Variants in NTM observed in about 807,000 individuals in gnomAD.
The protein encoded by NTM is IgLON family member 2.
A neutral mutation model predicts 42.1 loss-of-function variants in NTM; 13 were observed. That is an observed-to-expected ratio of 0.31 (90% CI 0.20 to 0.49). NTM has a LOEUF of 0.49. Among genes scored for constraint, NTM ranks in the 20% least tolerant of loss-of-function variants. The probability of loss-of-function intolerance (pLI) is 0.99; values close to 1 mark genes in which losing one functional copy is unlikely to be tolerated. For missense variants in NTM, 373 were observed against 452.8 expected (o/e 0.82, Z 1.60); for synonymous variants, 187 against 179.2 (o/e 1.04, Z -0.35).
chr11:131,785,510 C>T (rs921461824), intron 1 of NTM, among the ~76,000 whole-genome samples: 1 of 152,184 alleles, frequency 6.6e-6, no homozygotes, highest in African/African-American at 2.4e-5. Flanking sequence ...TATCCTTTTC[C>T]ACTGAAAGAA....
chr11:131,632,363 G>A (rs2063737783), intron 1 of NTM, among the ~76,000 whole-genome samples: 1 of 151,968 alleles, frequency 6.6e-6, no homozygotes, highest in Non-Finnish European at 1.5e-5. Flanking sequence ...GTCCTAAAAT[G>A]GTCCCCACTT....
Position 131,817,282 on chromosome 11 carries a change from C to T in NTM, c.83-94282C>T, listed in dbSNP as rs191794419. ...TATTTCATTCATTACTACTGTACCT[C>T]GAGCAATACGACCTTAGGGCATATA... On this transcript the variant is annotated intron_variant, in intron 1 of 8. Transcript: ENST00000683400. Among the ~76,000 whole-genome samples the T allele has an allele frequency of 1.4e-3, 219 of 152,228 alleles. 1 individual carries two copies. Among genetic ancestry groups the T allele is most frequent in the Non-Finnish European group, 2.4e-3 (164 of 68,028 alleles).
intron 1 of NTM, among the ~76,000 whole-genome samples, chr11:131,836,686 C>A (rs916942439): frequency 6.6e-6 from 1 of 152,018 alleles, no homozygotes; most frequent in Non-Finnish European, 1.5e-5. Flanking sequence ...ATAAGGGATG[C>A]TTTGTTTACT....
chr11:131,654,218 C>T (rs2066879817), intron 1 of NTM, among the ~76,000 whole-genome samples: 1 of 152,182 alleles, frequency 6.6e-6, no homozygotes, highest in Non-Finnish European at 1.5e-5. Flanking sequence ...AGGTCGTCTG[C>T]CTTTTCTTTC....
At chr11:131,967,288 G>A (rs1017513313) in intron 2 of NTM, among the ~76,000 whole-genome samples, 13 of 152,194 alleles carry the variant, frequency 8.5e-5, no homozygotes, top group Non-Finnish European at 1.0e-4. Context: ...AGAGGTCCAG[G>A]CATCGTGGGT....
At chr11:131,756,111 T>C (rs540188091) in intron 1 of NTM, among the ~76,000 whole-genome samples, 4 of 152,314 alleles carry the variant, frequency 2.6e-5, no homozygotes, top group African/African-American at 9.6e-5. Context: ...TCACCATCAA[T>C]ACCCCACACT....
At chr11:132,252,475 G>T (rs150585565) in intron 4 of NTM, among the ~76,000 whole-genome samples, 1,569 of 152,266 alleles carry the variant, frequency 0.01, 16 homozygotes, top group Non-Finnish European at 0.017. Context: ...GAGCAATTCT[G>T]TGGGGCATAT....
intron 1 of NTM, among the ~76,000 whole-genome samples, chr11:131,825,360 G>A (rs1426307119): frequency 6.6e-6 from 1 of 151,796 alleles, no homozygotes; most frequent in Non-Finnish European, 1.5e-5. Context: ...TTAGGGGTTA[G>A]GACTTCAGCA....
intron 4 of NTM, among the ~76,000 whole-genome samples, chr11:132,243,834 C>T (rs187661203): frequency 5.3e-5 from 8 of 152,274 alleles, no homozygotes; most frequent in African/African-American, 1.7e-4. Flanking sequence ...ATGCAGCTGG[C>T]ATATTGGCCC....
At chr11:131,509,278 A>C (rs2047934491) in intron 1 of NTM, among the ~76,000 whole-genome samples, 1 of 152,068 alleles carries the variant, frequency 6.6e-6, no homozygotes, top group South Asian at 2.1e-4. Context: ...CCCAAAGACC[A>C]CTTGGTTTTG....
chr11:132,202,756 A>G (rs2081350866), intron 3 of NTM, among the ~76,000 whole-genome samples: 1 of 152,212 alleles, frequency 6.6e-6, no homozygotes, highest in African/African-American at 2.4e-5. Flanking sequence ...GTCAAGAGGC[A>G]GAGCTCATAA....
intron 1 of NTM, among the ~76,000 whole-genome samples, chr11:131,763,732 T>TTTTTTTTTTTTTTTTTTTTTTTTTTTC: frequency 6.9e-6 from 1 of 145,052 alleles, no homozygotes; most frequent in African/African-American, 2.5e-5. Flanking sequence ...TTTTTTTTTT[T>TTTTTTTTTTTTTTTTTTTTTTTTTTTC]TTTGGCATTG....
At chr11:131,989,208 G>A (rs2135073968) in intron 2 of NTM, among the ~76,000 whole-genome samples, 1 of 152,224 alleles carries the variant, frequency 6.6e-6, no homozygotes, top group East Asian at 1.9e-4. Flanking sequence ...CCTGCATGAT[G>A]TCTTCCAAAA....
intron 1 of NTM, among the ~76,000 whole-genome samples, chr11:131,816,825 C>A (rs776122942): frequency 6.3e-5 from 9 of 142,780 alleles, no homozygotes; most frequent in Non-Finnish European, 1.4e-4. Context: ...GGTTTTAGGT[C>A]AAGGGTCCAT....
At chr11:131,774,088 T>G (rs1207226372) in intron 1 of NTM, 1 of 985,102 alleles carries the variant, frequency 1.0e-6, no homozygotes, top group Admixed American at 6.1e-5. Flanking sequence ...CCAAAATTGC[T>G]CTGAAACCTT....
intron 3 of NTM, among the ~76,000 whole-genome samples, chr11:132,178,250 A>G (rs2077092021): frequency 6.6e-6 from 1 of 152,336 alleles, no homozygotes; most frequent in Non-Finnish European, 1.5e-5. Context: ...TGATGAAACA[A>G]CAAAGAAGAG....
chr11:132,083,311 T>C (rs1466350859), intron 2 of NTM, among the ~76,000 whole-genome samples: 1 of 152,254 alleles, frequency 6.6e-6, no homozygotes, highest in Non-Finnish European at 1.5e-5. Flanking sequence ...TAAAAACAAA[T>C]AGTGATAGGA....
At chr11:132,135,442 T>C (rs1427994841) in intron 2 of NTM, among the ~76,000 whole-genome samples, 1 of 152,234 alleles carries the variant, frequency 6.6e-6, no homozygotes, top group Non-Finnish European at 1.5e-5. Context: ...GATTCTGGGA[T>C]ACGGATTTGT....
chr11:131,639,118 G>A (rs2064809987), intron 1 of NTM, among the ~76,000 whole-genome samples: 1 of 152,320 alleles, frequency 6.6e-6, no homozygotes, highest in South Asian at 2.1e-4. Context: ...CTGGCCACGT[G>A]AGCTCACACT....
Sources: allele counts gnomAD v4.1 joint callset (sites outside exome capture counted in the v4.1 genomes callset), GRCh38; gene constraint gnomAD v4.1.1; transcripts MANE v1.5; gene names NCBI Gene and HGNC (gene_info 2026-07-23, HGNC 2026-07-21).